The following PLCB1 variants were observed in gnomAD, a reference collection of about 807,000 sequenced individuals.
PLCB1 encodes phospholipase C beta 1, also known as 1-phosphatidylinositol 4,5-bisphosphate phosphodiesterase beta-1.
A neutral mutation model predicts 161.8 loss-of-function variants in PLCB1; 46 were observed. The ratio of observed to expected loss-of-function variants is 0.28; its 90% CI spans 0.22 to 0.36. The LOEUF (loss-of-function observed/expected upper bound fraction) is 0.36, where lower values mean the gene tolerates loss of function less well. PLCB1 is among the 10% of genes least tolerant of loss of function. The probability of loss-of-function intolerance (pLI) is 1.00; values close to 1 mark genes in which losing one functional copy is unlikely to be tolerated. For synonymous variants in PLCB1, 517 were observed against 503.7 expected, an observed-to-expected ratio of 1.03 and a Z score of -0.35; for missense variants, 1,016 against 1,472.5, an observed-to-expected ratio of 0.69 and a Z score of 5.07.
At chr20:8,637,838 G>A (rs1988810835) in intron 4 of PLCB1, among the ~76,000 whole-genome samples, 1 of 151,910 alleles carries the variant, frequency 6.6e-6, no homozygotes, top group South Asian at 2.1e-4. Context: ...CAATTTATAT[G>A]CAAATAAAGT....
At chr20:8,581,050 G>A (rs778426587) in intron 3 of PLCB1, among the ~76,000 whole-genome samples, 6 of 152,144 alleles carry the variant, frequency 3.9e-5, no homozygotes, top group Non-Finnish European at 8.8e-5. Context: ...AAGGAGTTAG[G>A]GCTTTACCCC....
At chr20:8,198,882 C>G (rs1037553501) in intron 2 of PLCB1, among the ~76,000 whole-genome samples, 4 of 151,752 alleles carry the variant, frequency 2.6e-5, no homozygotes, top group Non-Finnish European at 5.9e-5. Context: ...TAAAGCTCCA[C>G]AAATGATGGA....
chr20:8,563,568 A>T (rs1280506123), intron 3 of PLCB1, among the ~76,000 whole-genome samples: 1 of 152,152 alleles, frequency 6.6e-6, no homozygotes, highest in East Asian at 1.9e-4. Context: ...GACTTTTTGC[A>T]GATGACATGA....
At chr20:8,823,639 A>T (rs371250359) in intron 31 of PLCB1, among the ~76,000 whole-genome samples, 5 of 152,308 alleles carry the variant, frequency 3.3e-5, no homozygotes, top group African/African-American at 9.6e-5. Context: ...TTTTTGAACA[A>T]GGCCATTCTG....
At chr20:8,138,329 C>A (rs2051369201) in intron 1 of PLCB1, among the ~76,000 whole-genome samples, 1 of 152,256 alleles carries the variant, frequency 6.6e-6, no homozygotes, top group South Asian at 2.1e-4. Flanking sequence ...ATTTGGTAAA[C>A]TGTAAATGTT....
intron 24 of PLCB1, among the ~76,000 whole-genome samples, chr20:8,757,437 G>A (rs1362803528): frequency 6.6e-6 from 1 of 152,176 alleles, no homozygotes; most frequent in Non-Finnish European, 1.5e-5. Flanking sequence ...TCAGTGATGA[G>A]TTATGACCCA....
chr20:8,751,022 G>T, intron 23 of PLCB1: 2 of 352,130 alleles, frequency 5.7e-6, no homozygotes, highest in Non-Finnish European at 1.0e-5. Flanking sequence ...TGCAAGCTCC[G>T]CCTCCCGGGT....
intron 2 of PLCB1, among the ~76,000 whole-genome samples, chr20:8,317,310 A>G (rs1033745051): frequency 1.3e-5 from 2 of 152,160 alleles, no homozygotes; most frequent in Non-Finnish European, 2.9e-5. Context: ...ACTGGGCCCT[A>G]TCCCCAGAAT....
chr20:8,874,218 G>T (rs73089664), intron 31 of PLCB1, among the ~76,000 whole-genome samples: 3,611 of 122,680 alleles, frequency 0.029, 67 homozygotes, highest in Middle Eastern at 0.093. Flanking sequence ...TTATATATAT[G>T]TGTATGTACA....
intron 23 of PLCB1, chr20:8,752,301 A>G (rs1489072335): frequency 6.6e-6 from 1 of 152,218 alleles, no homozygotes; most frequent in African/African-American, 2.4e-5. Context: ...GACCTCTGGC[A>G]AGTTACATGA....
At chr20:8,788,772 T>A in intron 29 of PLCB1, 50 bp downstream of exon 29, 1 of 1,221,562 alleles carries the variant, frequency 8.2e-7, no homozygotes, top group Non-Finnish European at 1.2e-6. Context: ...GGAATTATTT[T>A]ATTTTGTACG....
chr20:8,468,373 G>T (rs1214560208), intron 3 of PLCB1, among the ~76,000 whole-genome samples: 1 of 152,162 alleles, frequency 6.6e-6, no homozygotes, highest in Non-Finnish European at 1.5e-5. Context: ...TTTTAGTGCA[G>T]TACTTATATG....
At chr20:8,462,394 G>A (rs1379338724) in intron 3 of PLCB1, among the ~76,000 whole-genome samples, 1 of 152,078 alleles carries the variant, frequency 6.6e-6, no homozygotes, top group Admixed American at 6.6e-5. Flanking sequence ...GTTGAACTAG[G>A]GGCATCGCCA....
chr20:8,430,689 T>C (rs151247387), intron 3 of PLCB1, among the ~76,000 whole-genome samples: 183 of 152,266 alleles, frequency 1.2e-3, no homozygotes, highest in African/African-American at 4.3e-3. Context: ...ACCATGGTTC[T>C]TGCCTGTAAT....
At chr20:8,135,938 A>G (rs1266017035) in intron 1 of PLCB1, among the ~76,000 whole-genome samples, 2 of 152,028 alleles carry the variant, frequency 1.3e-5, no homozygotes, top group Non-Finnish European at 2.9e-5. Flanking sequence ...TTGTGAGAGA[A>G]GCTCCTCTCT....
intron 31 of PLCB1, among the ~76,000 whole-genome samples, chr20:8,827,105 T>A (rs6086611): frequency 0.29 from 43,903 of 152,116 alleles, 6,510 homozygotes; most frequent in Middle Eastern, 0.4. Context: ...AAAGTTTAAG[T>A]TTATACTATA....
intron 2 of PLCB1, among the ~76,000 whole-genome samples, chr20:8,270,695 T>A (rs777626837): frequency 6.6e-6 from 1 of 152,162 alleles, no homozygotes; most frequent in Non-Finnish European, 1.5e-5. Flanking sequence ...ATCTTAAGTT[T>A]TCATTCTTTG....
chr20:8,802,524 T>C (rs41306769), intron 31 of PLCB1: 3,417 of 207,946 alleles, frequency 0.016, 40 homozygotes, highest in Non-Finnish European at 0.025. Flanking sequence ...TTTGGAAACA[T>C]TTTTTTTTCC....
chr20:8,283,761 G>A (rs1982987600), intron 2 of PLCB1, among the ~76,000 whole-genome samples: 1 of 151,878 alleles, frequency 6.6e-6, no homozygotes, highest in South Asian at 2.1e-4. Context: ...CAAATTTTAA[G>A]ATGATTACTC....
Sources: gnomAD v4.1 joint callset for allele counts (sites outside exome capture counted in the v4.1 genomes callset) on GRCh38, gnomAD v4.1.1 for gene constraint, MANE v1.5 for transcripts, NCBI Gene and HGNC (gene_info 2026-07-23, HGNC 2026-07-21) for gene names.